RBFOX1: variants seen among roughly 807,000 people sequenced by gnomAD.
RBFOX1 encodes RNA binding fox-1 homolog 1, also known as RNA binding protein fox-1 homolog 1.
Under a neutral mutation model 57.7 loss-of-function variants are expected in RBFOX1, and 8 were observed. That is an observed-to-expected ratio of 0.14 (90% confidence interval 0.08 to 0.25). The LOEUF is 0.25. Among genes scored for constraint, RBFOX1 ranks in the 10% least tolerant of loss-of-function variants. The pLI, the probability that RBFOX1 is intolerant of heterozygous loss-of-function variation, is 1.00. For missense variants in RBFOX1, 611 were observed against 548.5 expected, an observed-to-expected ratio of 1.11 and a Z score of -1.14; for synonymous variants, 326 against 222.4, an observed-to-expected ratio of 1.47 and a Z score of -4.15.
intron 4 of RBFOX1, among the ~76,000 whole-genome samples, chr16:7,297,424 AT>A (rs763829034): frequency 6.6e-6 from 1 of 152,086 alleles, no homozygotes; most frequent in Non-Finnish European, 1.5e-5. Context: ...GGATCTGGGT[AT>A]TTTTATTTTG....
chr16:6,842,369 A>G (rs1567512962), intron 3 of RBFOX1, among the ~76,000 whole-genome samples: 1 of 152,092 alleles, frequency 6.6e-6, no homozygotes, highest in African/African-American at 2.4e-5. Flanking sequence ...GTGCACATAT[A>G]GAGAAGAAAT....
chr16:6,267,303 G>A (rs1177296457), intron 1 of RBFOX1, among the ~76,000 whole-genome samples: 1 of 152,178 alleles, frequency 6.6e-6, no homozygotes, highest in Admixed American at 6.5e-5. Flanking sequence ...GTAGGATCAT[G>A]TTTCTTAGGT....
rs201885153 is a variant in RBFOX1 at position 5,450,331 on chromosome 16, G to A, written c.220-16885G>A. ...ATAAACAGCCCCTGAGATTTATGAAGGGTTCCAGGAAGAAGAGTGATCGAT... is the reference window on the plus strand; with the variant it reads ...ATAAACAGCCCCTGAGATTTATGAAAGGTTCCAGGAAGAAGAGTGATCGAT... On this transcript the variant is annotated intron_variant, in intron 1 of 2. Coordinates refer to the RBFOX1 transcript ENST00000585867. Among the ~76,000 whole-genome samples, 3 of 152,150 alleles carry A rather than the reference G, an allele frequency of 2.0e-5. No individual in the cohort carries two copies. The East Asian group carries it at 5.8e-4, about 29-fold the overall frequency.
chr16:6,883,150 G>A (rs1398297161), intron 3 of RBFOX1, among the ~76,000 whole-genome samples: 1 of 152,124 alleles, frequency 6.6e-6, no homozygotes, highest in South Asian at 2.1e-4. Flanking sequence ...GAGGTGGGGA[G>A]GTAGCCATTT....
intron 6 of RBFOX1, among the ~76,000 whole-genome samples, chr16:7,580,911 G>C (rs2093709517): frequency 2.6e-5 from 4 of 152,286 alleles, no homozygotes; most frequent in South Asian, 4.1e-4. Flanking sequence ...GCTTCTCAGA[G>C]ACTCTTCCTC....
At chr16:7,258,332 A>C (rs936047592) in intron 4 of RBFOX1, among the ~76,000 whole-genome samples, 1 of 152,196 alleles carries the variant, frequency 6.6e-6, no homozygotes, top group Non-Finnish European at 1.5e-5. Context: ...GAAAATGATA[A>C]GAAATATTAA....
intron 2 of RBFOX1, among the ~76,000 whole-genome samples, chr16:6,398,745 A>G (rs1409204922): frequency 2.0e-5 from 3 of 152,130 alleles, no homozygotes; most frequent in Non-Finnish European, 4.4e-5. Context: ...ACCTGCTTTC[A>G]TGGGCTGGCA....
chr16:5,894,299 A>G (rs920927567), intron 4 of RBFOX1, among the ~76,000 whole-genome samples: 1 of 151,868 alleles, frequency 6.6e-6, no homozygotes, highest in East Asian at 1.9e-4. Flanking sequence ...TTTTTTTTGT[A>G]TGAGATGGAG....
intron 1 of RBFOX1, among the ~76,000 whole-genome samples, chr16:5,389,254 G>T (rs541299806): frequency 6.6e-6 from 1 of 152,144 alleles, no homozygotes; most frequent in Non-Finnish European, 1.5e-5. Context: ...AAAGAATGAA[G>T]GACACAAAGA....
intron 4 of RBFOX1, among the ~76,000 whole-genome samples, chr16:5,908,149 TATATACACATATATATACAC>T (rs1567133657): frequency 6.1e-5 from 8 of 130,730 alleles, no homozygotes; most frequent in Admixed American, 2.3e-4. Flanking sequence ...TATATACACA[TATATACACATATATATACAC>T]ATATATACAC....
At chr16:6,601,797 C>T (rs1048072603) in intron 2 of RBFOX1, among the ~76,000 whole-genome samples, 2 of 152,148 alleles carry the variant, frequency 1.3e-5, no homozygotes, top group African/African-American at 4.8e-5. Context: ...CAGGACCTTG[C>T]TCAGCCAACT....
At chr16:6,892,433 G>T (rs2065675306) in intron 3 of RBFOX1, among the ~76,000 whole-genome samples, 1 of 152,116 alleles carries the variant, frequency 6.6e-6, no homozygotes, top group South Asian at 2.1e-4. Context: ...ACTTTAGGAG[G>T]CCGAAGTGGG....
At chr16:5,930,418 AT>A (rs2059025969) in intron 4 of RBFOX1, among the ~76,000 whole-genome samples, 2 of 49,126 alleles carry the variant, frequency 4.1e-5, no homozygotes, top group Admixed American at 2.2e-4. Context: ...GGGAGGGTGG[AT>A]GGATGGATGG....
At chr16:5,701,706 C>G (rs1018654900) in intron 3 of RBFOX1, among the ~76,000 whole-genome samples, 1 of 152,132 alleles carries the variant, frequency 6.6e-6, no homozygotes, top group East Asian at 1.9e-4. Flanking sequence ...AATGCTGGGA[C>G]TACAGGTGTG....
intron 13 of RBFOX1, among the ~76,000 whole-genome samples, chr16:7,665,786 G>A (rs1374415476): frequency 6.6e-6 from 1 of 151,980 alleles, no homozygotes; most frequent in Non-Finnish European, 1.5e-5. Flanking sequence ...TCAGTCAATG[G>A]GATTATATTT....
chr16:5,351,903 A>G (rs2065270131), intron 1 of RBFOX1, among the ~76,000 whole-genome samples: 1 of 152,156 alleles, frequency 6.6e-6, no homozygotes, highest in Non-Finnish European at 1.5e-5. Context: ...TCCTGGGTTC[A>G]AGCGATTTTC....
intron 4 of RBFOX1, among the ~76,000 whole-genome samples, chr16:7,368,971 C>A (rs8043970): frequency 0.034 from 5,219 of 151,744 alleles, 308 homozygotes; most frequent in African/African-American, 0.12. Context: ...TTTTTTAACA[C>A]AATGATCCTG....
intron 2 of RBFOX1, among the ~76,000 whole-genome samples, chr16:5,562,564 C>G (rs948623235): frequency 1.3e-4 from 20 of 151,982 alleles, no homozygotes; most frequent in African/African-American, 4.6e-4. Context: ...AGAGGATTAC[C>G]CACTATGGCA....
At chr16:7,527,698 T>C (rs1333919470) in intron 5 of RBFOX1, among the ~76,000 whole-genome samples, 1 of 152,160 alleles carries the variant, frequency 6.6e-6, no homozygotes, top group Non-Finnish European at 1.5e-5. Context: ...CTTAGAGTTG[T>C]TGTGAAATCC....
Sources: allele counts gnomAD v4.1 joint callset (sites outside exome capture counted in the v4.1 genomes callset), GRCh38; gene constraint gnomAD v4.1.1; transcripts MANE v1.5; gene names NCBI Gene and HGNC (gene_info 2026-07-23, HGNC 2026-07-21).